The following ZNF438 variants were observed in gnomAD, a reference collection of about 807,000 sequenced individuals.
ZNF438 encodes zinc finger protein 438.
A neutral mutation model predicts 38.0 loss-of-function variants in ZNF438; 25 were observed. The observed-to-expected ratio is 0.66, with a 90% CI of 0.48 to 0.92. The LOEUF is 0.92. ZNF438 is among the 40% of genes least tolerant of loss of function. The pLI, the probability that ZNF438 is intolerant of heterozygous loss-of-function variation, is 0.00. For synonymous variants in ZNF438, 372 were observed against 364.1 expected (o/e 1.02, Z -0.25); for missense variants, 1,007 against 999.6 (o/e 1.01, Z -0.10).
chr10:30,865,745 T>G (rs929759641), intron 4 of ZNF438, among the ~76,000 whole-genome samples: 1 of 152,180 alleles, frequency 6.6e-6, no homozygotes, highest in African/African-American at 2.4e-5. Flanking sequence ...CAAACTGCAT[T>G]TCGTGTATGA....
intron 1 of ZNF438, among the ~76,000 whole-genome samples, chr10:30,995,588 C>G (rs949405790): frequency 6.6e-6 from 1 of 152,146 alleles, no homozygotes; most frequent in East Asian, 1.9e-4. Context: ...AAGGAAATTA[C>G]GTACATTATT....
At chr10:30,949,477 C>A (rs891943456) in intron 1 of ZNF438, among the ~76,000 whole-genome samples, 4 of 152,154 alleles carry the variant, frequency 2.6e-5, no homozygotes, top group Non-Finnish European at 5.9e-5. Context: ...AGGGTCAAGA[C>A]CCATCAGTGT....
exon 6 of ZNF438, chr10:30,844,861 T>C: frequency 2.1e-6 from 3 of 1,406,026 alleles, no homozygotes; most frequent in Non-Finnish European, 2.9e-6. Context: ...ACACCAATCC[T>C]GTTGTTTGAT....
intron 1 of ZNF438, among the ~76,000 whole-genome samples, chr10:30,953,667 C>CA (rs2048514850): frequency 1.0e-5 from 1 of 97,582 alleles, no homozygotes; most frequent in Admixed American, 9.7e-5. Flanking sequence ...CACACACACA[C>CA]ACAAAAAAAA....
At chr10:30,996,403 T>C (rs2054054354) in intron 1 of ZNF438, among the ~76,000 whole-genome samples, 2 of 151,990 alleles carry the variant, frequency 1.3e-5, no homozygotes, top group South Asian at 4.1e-4. Flanking sequence ...AGGTTGAAAG[T>C]AAAAGCTATA....
At chr10:30,953,641 A>G (rs1449600403) in intron 1 of ZNF438, among the ~76,000 whole-genome samples, 3 of 118,372 alleles carry the variant, frequency 2.5e-5, no homozygotes, top group Non-Finnish European at 5.1e-5. Flanking sequence ...TATAATAATA[A>G]AAAAAAAAAC....
chr10:30,901,125 G>C (rs574499327), intron 3 of ZNF438, among the ~76,000 whole-genome samples: 3 of 151,544 alleles, frequency 2.0e-5, no homozygotes, highest in African/African-American at 7.3e-5. Context: ...TCAGGAAGTC[G>C]CCTTTCTTAT....
chr10:30,932,018 G>C (rs1182624464), intron 2 of ZNF438, among the ~76,000 whole-genome samples: 1 of 152,158 alleles, frequency 6.6e-6, no homozygotes, highest in Non-Finnish European at 1.5e-5. Context: ...TTAGAAGTCA[G>C]TGTTCCTTGG....
intron 1 of ZNF438, among the ~76,000 whole-genome samples, chr10:30,944,247 T>C (rs1251803286): frequency 6.6e-6 from 1 of 152,190 alleles, no homozygotes; most frequent in Non-Finnish European, 1.5e-5. Flanking sequence ...TGTCCAGTCA[T>C]CTACATAGTA....
At position 30,958,971 on chromosome 10, in the gene ZNF438, A is replaced by T. The variant is rs182017973; in HGVS notation, c.-191-17320T>A. The stretch of plus-strand genomic sequence containing the variant: ...TTTATCCATTTACCAGGTTATGGAC[A>T]TTGCATTTTTTCTTGTTTTTATTAA... On this transcript the variant is annotated intron_variant, in intron 1 of 5. Transcript: ENST00000413025. 1.7e-4 allele frequency among the ~76,000 whole-genome samples: 25 copies of T among 147,322 alleles called. No individual in the cohort carries two copies. In the East Asian group the frequency reaches 3.9e-3, roughly 23 times the overall value.
At chr10:30,862,668 T>C (rs1369814967) in intron 4 of ZNF438, among the ~76,000 whole-genome samples, 1 of 152,192 alleles carries the variant, frequency 6.6e-6, no homozygotes, top group Non-Finnish European at 1.5e-5. Flanking sequence ...AAGATGACAG[T>C]TGGTGAAGAA....
At chr10:30,870,087 G>GA (rs1317994857) in intron 4 of ZNF438, among the ~76,000 whole-genome samples, 3 of 152,120 alleles carry the variant, frequency 2.0e-5, no homozygotes, top group Admixed American at 1.3e-4. Context: ...TTTTATCTGA[G>GA]AAAAACGTCA....
rs947031672 is a variant in ZNF438, at chr10:30,961,892, GAAA to G, written c.-191-20244_-191-20242del. 2.4e-4 allele frequency among the ~76,000 whole-genome samples: 16 copies of G among 67,124 alleles called. No individual in the cohort carries two copies. In the East Asian group the frequency reaches 6.3e-3, roughly 26 times the overall value. 44.0% of individuals were successfully genotyped at this position (67,124 alleles called of 152,430 possible). A position where few individuals can be genotyped will look rare whatever the true frequency, so the allele number is the denominator to read the frequency against. On this transcript the variant is annotated intron_variant, in intron 1 of 5. Transcript: ENST00000413025. The stretch of plus-strand genomic sequence containing the variant: ...GACAGAGTGAGACTCCATCCCAAAA[GAAA>G]AAAAAAAAAAAAAAGTTTTACAAAT...
At chr10:30,857,354 A>C (rs1370283837) in intron 4 of ZNF438, among the ~76,000 whole-genome samples, 1 of 150,202 alleles carries the variant, frequency 6.7e-6, no homozygotes, top group Non-Finnish European at 1.5e-5. Context: ...TCCCAGGTTC[A>C]AGTGATTCTC....
At chr10:30,852,499 C>T (rs780687109) in intron 4 of ZNF438, among the ~76,000 whole-genome samples, 10 of 152,172 alleles carry the variant, frequency 6.6e-5, no homozygotes, top group African/African-American at 1.4e-4. Context: ...TGAGCCACCG[C>T]GCCCGGCCCG....
intron 1 of ZNF438, among the ~76,000 whole-genome samples, chr10:30,949,887 C>A (rs548010203): frequency 1.3e-4 from 20 of 152,162 alleles, no homozygotes; most frequent in African/African-American, 4.8e-4. Context: ...CAGCTCTGCA[C>A]CAAGCGGACC....
intron 1 of ZNF438, among the ~76,000 whole-genome samples, chr10:31,029,740 C>T (rs1174418945): frequency 1.3e-5 from 2 of 152,348 alleles, no homozygotes; most frequent in South Asian, 2.1e-4. Context: ...ACAGTTAGAA[C>T]AACATCTTTA....
intron 1 of ZNF438, among the ~76,000 whole-genome samples, chr10:30,961,255 T>TA (rs769360960): frequency 8.7e-6 from 1 of 115,168 alleles, no homozygotes. Context: ...AAAAAAAAAT[T>TA]AAAAAAAAAA....
chr10:30,926,385 C>G (rs1292962790), intron 2 of ZNF438, among the ~76,000 whole-genome samples: 1 of 152,080 alleles, frequency 6.6e-6, no homozygotes, highest in Non-Finnish European at 1.5e-5. Flanking sequence ...TAACAAAGTA[C>G]GGCTAGGCGC....
Sources: allele counts gnomAD v4.1 joint callset (sites outside exome capture counted in the v4.1 genomes callset), GRCh38; gene constraint gnomAD v4.1.1; transcripts MANE v1.5; gene names NCBI Gene and HGNC (gene_info 2026-07-23, HGNC 2026-07-21).